Variants in IMPACT observed in about 807,000 individuals in gnomAD.
IMPACT encodes the protein impact RWD domain protein.
In IMPACT, 35 loss-of-function variants were observed where a neutral mutation model predicts 47.5. The observed-to-expected ratio is 0.74, with a 90% confidence interval of 0.56 to 0.98. The LOEUF (loss-of-function observed/expected upper bound fraction) is 0.98. IMPACT is among the 50% of genes least tolerant of loss of function. The pLI is 0.00. For synonymous variants in IMPACT, 118 were observed against 125.6 expected, an observed-to-expected ratio of 0.94 and a Z score of 0.40; for missense variants, 373 against 394.8, an observed-to-expected ratio of 0.94 and a Z score of 0.47.
chr18:24,443,890 C>T (rs1292567744), intron 7 of IMPACT, among the ~76,000 whole-genome samples: 3 of 152,114 alleles, frequency 2.0e-5, no homozygotes, highest in Non-Finnish European at 4.4e-5. Flanking sequence ...TATTGATGTA[C>T]GAGGCAATTT....
chr18:24,429,131 A>G (rs965637983), intron 3 of IMPACT, among the ~76,000 whole-genome samples: 1 of 152,248 alleles, frequency 6.6e-6, no homozygotes, highest in African/African-American at 2.4e-5. Context: ...GAGAATCACA[A>G]GGTTCGTAGA....
chr18:24,441,890 A>G (rs1909123900), intron 6 of IMPACT, among the ~76,000 whole-genome samples: 1 of 152,210 alleles, frequency 6.6e-6, no homozygotes, highest in Non-Finnish European at 1.5e-5. Context: ...GAAAAGAAAA[A>G]GGATAAAAAT....
chr18:24,435,932 A>G (rs1908926481), intron 4 of IMPACT, among the ~76,000 whole-genome samples: 1 of 148,098 alleles, frequency 6.8e-6, no homozygotes, highest in African/African-American at 2.4e-5. Flanking sequence ...TGAGAAAGAC[A>G]TTTCCTGGGT....
chr18:24,440,528 G>C lies in IMPACT; in HGVS notation c.400G>C (p.Asp134His). Residue 134 changes from aspartate (D) to histidine (H), a missense_variant, in exon 6 of 11, where the codon GAT (aspartate) becomes CAT (histidine). By Grantham distance (81) the Asp-to-His change is moderately conservative (BLOSUM62 -1). Coordinates refer to ENST00000284202, the MANE Select transcript of IMPACT (RefSeq NM_018439.4). ...TGTAAAGAAGAAAACTGAAGAGGAAGATGTTGAATGTGAAGATGATCTCAT... is the reference window on the plus strand; with the variant it reads ...TGTAAAGAAGAAAACTGAAGAGGAACATGTTGAATGTGAAGATGATCTCAT... ...PDVKKKTEEE[D>H]VECEDDLILA... 1.2e-6 allele frequency: 2 copies of C among 1,613,048 alleles called. No individual in the cohort carries two copies. The highest frequency in any genetic ancestry group is 1.1e-5 in the South Asian group (1 of 90,932).
At chr18:24,429,825 G>A (rs1339669189) in intron 3 of IMPACT, among the ~76,000 whole-genome samples, 2 of 151,052 alleles carry the variant, frequency 1.3e-5, no homozygotes, top group African/African-American at 4.9e-5. Flanking sequence ...TGTCTCCTAG[G>A]CTGGAGTGCA....
At chr18:24,446,816 C>T (rs966606481) in intron 8 of IMPACT, among the ~76,000 whole-genome samples, 2 of 152,206 alleles carry the variant, frequency 1.3e-5, no homozygotes, top group Admixed American at 6.5e-5. Flanking sequence ...TTAGACTACT[C>T]TCAGTCATTA....
intron 7 of IMPACT, among the ~76,000 whole-genome samples, 177 bp from the exon 8 acceptor site, chr18:24,445,216 G>T (rs1203576884): frequency 6.6e-6 from 1 of 152,154 alleles, no homozygotes; most frequent in African/African-American, 2.4e-5. Context: ...CCAATTATGA[G>T]TACCAGTCTC....
At chr18:24,429,223 T>A (rs1398868140) in intron 3 of IMPACT, among the ~76,000 whole-genome samples, 1 of 152,188 alleles carries the variant, frequency 6.6e-6, no homozygotes, top group Non-Finnish European at 1.5e-5. Context: ...ACCTTGGCCC[T>A]TAGAGTTACT....
chr18:24,438,591 G>A (rs939988104), intron 5 of IMPACT, among the ~76,000 whole-genome samples: 1 of 152,140 alleles, frequency 6.6e-6, no homozygotes. Context: ...CTCATGATTG[G>A]AGTGAGATTA....
intron 8 of IMPACT, among the ~76,000 whole-genome samples, chr18:24,447,184 T>C (rs1023037185): frequency 7.2e-5 from 11 of 152,186 alleles, no homozygotes; most frequent in African/African-American, 2.7e-4. Context: ...GATGAGTGAA[T>C]GAATGAATGT....
intron 8 of IMPACT, among the ~76,000 whole-genome samples, chr18:24,446,077 TTTGTTTTATTTTGGTTTGG>T (rs892496831): frequency 6.6e-6 from 1 of 152,120 alleles, no homozygotes; most frequent in Admixed American, 6.5e-5. Flanking sequence ...TTGCAAAGGT[TTTGTTTTATTTTGGTTTGG>T]TTTTTGAGAC....
intron 6 of IMPACT, 72 bp from the exon 7 acceptor site, chr18:24,442,977 C>A (rs1476937787): frequency 2.9e-6 from 2 of 680,378 alleles, no homozygotes; most frequent in Non-Finnish European, 5.1e-6. Context: ...TCCCAGCTGC[C>A]CCCCCATTTC....
At chr18:24,438,979 C>A (rs1243053979) in intron 5 of IMPACT, among the ~76,000 whole-genome samples, 1 of 152,054 alleles carries the variant, frequency 6.6e-6, no homozygotes, top group African/African-American at 2.4e-5. Context: ...TGGAAGGTGG[C>A]AAGTCCAAAA....
At chr18:24,450,190 C>T (rs1045330025) in intron 10 of IMPACT, among the ~76,000 whole-genome samples, 2 of 152,160 alleles carry the variant, frequency 1.3e-5, no homozygotes, top group Admixed American at 6.5e-5. Context: ...CATCCCTTCG[C>T]ACCTTGATTT....
intron 4 of IMPACT, 119 bp from the exon 5 acceptor site, chr18:24,437,836 T>TTAAAA: frequency 1.6e-6 from 1 of 607,388 alleles, no homozygotes; most frequent in Non-Finnish European, 2.9e-6. Context: ...TAAATTATTT[T>TTAAAA]AAAAAAGAAA....
At chr18:24,438,069 T>C (rs1317150342) in intron 5 of IMPACT, 29 bp downstream of exon 5, 4 of 976,950 alleles carry the variant, frequency 4.1e-6, no homozygotes, top group Non-Finnish European at 6.3e-6. Context: ...ATCAATACTC[T>C]TTTAACTTAT....
In IMPACT at chr18:24,430,350, G is replaced by A; in HGVS notation, c.247G>A (p.Ala83Thr). The A allele has an allele frequency of 6.3e-7, 1 of 1,598,466 alleles. No homozygotes were observed. Among genetic ancestry groups the A allele is most frequent in the East Asian group, 2.3e-5 (1 of 44,370 alleles). ...NAPWLKGQER[A>T]DLSNSLEEIY... ...TCCTTGGCTTAAAGGGCAAGAACGT[G>A]CGGATTTATCAAATAGCCTTGAGGA... Residue 83 changes from alanine to threonine, a missense_variant, in exon 4 of 11, where the codon GCG (alanine) becomes ACG (threonine). Transcript: ENST00000284202.
chr18:24,434,779 AT>A (rs1568086275), intron 4 of IMPACT, among the ~76,000 whole-genome samples: 3,708 of 73,188 alleles, frequency 0.051, 463 homozygotes, highest in African/African-American at 0.15. Flanking sequence ...AAAAAAAAAT[AT>A]ATATATATAT....
chr18:24,437,989 G>A lies in IMPACT; in HGVS notation c.316G>A (p.Val106Met). 6.3e-7 allele frequency: 1 copy of A among 1,582,480 alleles called. No individual in the cohort carries two copies. The highest frequency in any genetic ancestry group is 8.6e-7 in the Non-Finnish European group (1 of 1,160,712). Residue 106 changes from valine to methionine, a missense_variant, in exon 5 of 11, where the codon GTG becomes ATG. Val to Met is a conservative substitution (Grantham distance 21). Transcript: ENST00000284202. ...CGGTGAAAGTATTCTTTACCTGTGG[G>A]TGGAGAAAATAAGAGATGTTCTTAT... Reference protein sequence around the residue: ...NIGESILYLWVEKIRDVLIQK... With the variant: ...NIGESILYLWMEKIRDVLIQK...
Sources: allele counts gnomAD v4.1 joint callset (sites outside exome capture counted in the v4.1 genomes callset), GRCh38; gene constraint gnomAD v4.1.1; transcripts MANE v1.5; gene names NCBI Gene and HGNC (gene_info 2026-07-23, HGNC 2026-07-21).